KCNJ3: variants seen among roughly 807,000 people sequenced by gnomAD.
KCNJ3 encodes the protein potassium inwardly rectifying channel subfamily J member 3.
A neutral mutation model predicts 39.2 loss-of-function variants in KCNJ3; 4 were observed. The observed-to-expected ratio is 0.10, with a 90% CI of 0.05 to 0.23. The LOEUF is 0.23. Among genes scored for constraint, KCNJ3 ranks in the 10% least tolerant of loss-of-function variants. The probability of loss-of-function intolerance (pLI) is 1.00; values close to 1 mark genes in which losing one functional copy is unlikely to be tolerated. For missense variants in KCNJ3, 276 were observed against 634.9 expected (o/e 0.43, Z 6.08); for synonymous variants, 230 against 237.4 (o/e 0.97, Z 0.29).
chr2:154,739,878 T>A (rs762371542), intron 2 of KCNJ3, among the ~76,000 whole-genome samples: 19 of 152,052 alleles, frequency 1.2e-4, no homozygotes, highest in Non-Finnish European at 2.4e-4. Context: ...GGCAAATAAC[T>A]CAGTCTTTTC....
chr2:154,735,069 C>CTGTGTGTGTGTGTGTG (rs10632638), intron 2 of KCNJ3, among the ~76,000 whole-genome samples: 2,067 of 145,840 alleles, frequency 0.014, 45 homozygotes, highest in African/African-American at 0.042. Flanking sequence ...CCTTGTAGGC[C>CTGTGTGTGTGTGTGTG]TGTGTGTGTG....
chr2:154,786,276 C>G (rs1417424549), intron 2 of KCNJ3, among the ~76,000 whole-genome samples: 1 of 152,106 alleles, frequency 6.6e-6, no homozygotes, highest in African/African-American at 2.4e-5. Context: ...AAATTTTATT[C>G]CATTACTTTG....
Position 154,698,970 on chromosome 2 carries a change from C to T in KCNJ3, c.195C>T (p.Ser65=). Residue 65 remains serine (S), a synonymous_variant, in exon 1 of 3, where the codon AGC becomes AGT. Transcript: ENST00000295101. ...VQHGNLGSET[S]RYLSDLFTTL... ...ACGGCAACCTGGGCAGCGAGACAAG[C>T]CGCTACCTCTCGGACCTCTTCACCA... is the stretch of plus-strand genomic sequence containing the variant. 1.2e-6 allele frequency: 2 copies of T among 1,614,198 alleles called. No individual in the cohort carries two copies. Among genetic ancestry groups the T allele is most frequent in the Non-Finnish European group, 1.7e-6 (2 of 1,180,038 alleles).
chr2:154,713,428 A>G (rs1208020636), intron 2 of KCNJ3, among the ~76,000 whole-genome samples: 1 of 152,006 alleles, frequency 6.6e-6, no homozygotes, highest in African/African-American at 2.4e-5. Context: ...GGTGGTAAGA[A>G]TCTTCTCATT....
intron 2 of KCNJ3, among the ~76,000 whole-genome samples, chr2:154,744,942 G>A (rs1458117608): frequency 6.6e-6 from 1 of 151,832 alleles, no homozygotes; most frequent in Non-Finnish European, 1.5e-5. Context: ...TTTTAATGCA[G>A]TTTAAGGTAT....
intron 2 of KCNJ3, among the ~76,000 whole-genome samples, chr2:154,785,359 C>T (rs1248486335): frequency 1.3e-5 from 2 of 152,144 alleles, no homozygotes; most frequent in Admixed American, 1.3e-4. Context: ...CATCTTCTTG[C>T]CTTGTCCTCA....
Position 154,806,134 on chromosome 2 carries a change from G to T in KCNJ3, c.920-48593G>T, listed in dbSNP as rs1052913983. On this transcript the variant is annotated intron_variant, in intron 2 of 2. Coordinates refer to ENST00000295101, the MANE Select transcript of KCNJ3 (RefSeq NM_002239.4). The stretch of plus-strand genomic sequence containing the variant: ...TTGTTTCCTCTCGAGAATTGTGAAG[G>T]TTCTGAGATTTGATTTTACTCTACT... Among the ~76,000 whole-genome samples the T allele has an allele frequency of 1.7e-4, 26 of 152,074 alleles. 1 individual carries two copies. Among genetic ancestry groups the T allele is most frequent in the African/African-American group, 6.0e-4 (25 of 41,420 alleles).
At chr2:154,718,635 A>T (rs1342673050) in intron 2 of KCNJ3, among the ~76,000 whole-genome samples, 1 of 152,194 alleles carries the variant, frequency 6.6e-6, no homozygotes, top group Non-Finnish European at 1.5e-5. Flanking sequence ...GGATTGGTGT[A>T]TTCCACCATT....
chr2:154,795,168 TA>T (rs904241312), intron 2 of KCNJ3, among the ~76,000 whole-genome samples: 2 of 152,040 alleles, frequency 1.3e-5, no homozygotes, highest in African/African-American at 4.8e-5. Context: ...ATCTACTTTT[TA>T]AACAGCCATA....
In KCNJ3 at chr2:154,777,568, T is replaced by A. The variant is rs187200490; in HGVS notation, c.919+67749T>A. Among the ~76,000 whole-genome samples the A allele has an allele frequency of 3.3e-3, 498 of 152,346 alleles. 3 individuals carry two copies. The highest frequency in any genetic ancestry group is 0.012 in the African/African-American group (488 of 41,586). ...CTGCCTGCAAATTGATACTTTTTTA[T>A]AGCTCTGCACGATATAGGATATTGG... On this transcript the variant is annotated intron_variant, in intron 2 of 2. Coordinates refer to ENST00000295101, the MANE Select transcript of KCNJ3 (RefSeq NM_002239.4).
At chr2:154,749,649 C>T (rs1685804541) in intron 2 of KCNJ3, among the ~76,000 whole-genome samples, 1 of 152,020 alleles carries the variant, frequency 6.6e-6, no homozygotes, top group Non-Finnish European at 1.5e-5. Flanking sequence ...TATGACCTTG[C>T]CAAAGTAACA....
chr2:154,753,162 T>G (rs951067185), intron 2 of KCNJ3, among the ~76,000 whole-genome samples: 1 of 152,074 alleles, frequency 6.6e-6, no homozygotes, highest in Non-Finnish European at 1.5e-5. Flanking sequence ...AATATTTCAT[T>G]GTAACGGATT....
intron 2 of KCNJ3, among the ~76,000 whole-genome samples, chr2:154,821,113 C>T (rs532349107): frequency 1.3e-5 from 2 of 152,240 alleles, no homozygotes; most frequent in Non-Finnish European, 2.9e-5. Flanking sequence ...AGTACTAGCC[C>T]AGTCAAGCTG....
chr2:154,832,258 T>TA (rs901093641), intron 2 of KCNJ3, among the ~76,000 whole-genome samples: 34 of 151,746 alleles, frequency 2.2e-4, no homozygotes, highest in Non-Finnish European at 4.0e-4. Flanking sequence ...TCAATTTAAT[T>TA]AAAAAAAAGT....
At chr2:154,813,180 T>A (rs955574888) in intron 2 of KCNJ3, among the ~76,000 whole-genome samples, 1 of 152,236 alleles carries the variant, frequency 6.6e-6, no homozygotes. Context: ...CATCTTTTTT[T>A]TCTAGTCTAC....
At chr2:154,766,698 G>T (rs1289233242) in intron 2 of KCNJ3, among the ~76,000 whole-genome samples, 1 of 152,070 alleles carries the variant, frequency 6.6e-6, no homozygotes, top group Non-Finnish European at 1.5e-5. Context: ...TGGGACTACA[G>T]GCACATGCCA....
At chr2:154,724,844 CTTATAT>C (rs1368926168) in intron 2 of KCNJ3, among the ~76,000 whole-genome samples, 3 of 142,256 alleles carry the variant, frequency 2.1e-5, no homozygotes, top group Admixed American at 7.1e-5. Flanking sequence ...TATATTTATA[CTTATAT>C]TTATAAATAT....
At chr2:154,768,361 G>A (rs1382976206) in intron 2 of KCNJ3, among the ~76,000 whole-genome samples, 1 of 152,138 alleles carries the variant, frequency 6.6e-6, no homozygotes, top group Non-Finnish European at 1.5e-5. Context: ...ATTAATTTTT[G>A]TATAAGGTGT....
intron 2 of KCNJ3, among the ~76,000 whole-genome samples, chr2:154,730,027 G>A (rs780382730): frequency 1.5e-4 from 23 of 151,860 alleles, no homozygotes; most frequent in Non-Finnish European, 2.8e-4. Flanking sequence ...TTCCTAGTTG[G>A]GTTCATTGAG....
Sources: allele counts gnomAD v4.1 joint callset (sites outside exome capture counted in the v4.1 genomes callset), GRCh38; gene constraint gnomAD v4.1.1; transcripts MANE v1.5; gene names NCBI Gene and HGNC (gene_info 2026-07-23, HGNC 2026-07-21).